Variants in NEK11 observed in about 807,000 individuals in gnomAD.
The protein encoded by NEK11 is serine/threonine-protein kinase Nek11.
A neutral mutation model predicts 80.7 loss-of-function variants in NEK11; 72 were observed. The observed-to-expected ratio is 0.89, with a 90% CI of 0.74 to 1.08. NEK11 has a LOEUF of 1.08. Among genes scored for constraint, NEK11 ranks in the 50% least tolerant of loss-of-function variants. The pLI is 0.00. For missense variants in NEK11, 764 were observed against 763.6 expected (o/e 1.00, Z -0.01); for synonymous variants, 251 against 260.7 (o/e 0.96, Z 0.36).
At chr3:131,307,165 A>G (rs1023220914) in intron 17 of NEK11, among the ~76,000 whole-genome samples, 1 of 152,084 alleles carries the variant, frequency 6.6e-6, no homozygotes, top group Admixed American at 6.5e-5. Context: ...CGTATCCTGT[A>G]CCTCCTATTT....
chr3:131,167,401 T>C lies in NEK11; in HGVS notation c.1177-1429T>C, dbSNP rs554125410. ...AATGACTTCATTCTTGAAGTTACCA[T>C]ATGGCAAAAAAGAAATGTAGTTTCA... On this transcript the variant is annotated intron_variant, in intron 12 of 17. Transcript: ENST00000383366. 2.6e-5 allele frequency among the ~76,000 whole-genome samples: 4 copies of C among 152,358 alleles called. No individual in the cohort carries two copies. The South Asian group carries it at 6.2e-4, about 24-fold the overall frequency.
At position 131,152,420 on chromosome 3, in the gene NEK11, G is replaced by C. The variant is rs772315660; in HGVS notation, c.680G>C (p.Cys227Ser). 6.2e-7 allele frequency: 1 copy of C among 1,613,338 alleles called. No individual in the cohort carries two copies. The highest frequency in any genetic ancestry group is 1.7e-5 in the Admixed American group (1 of 59,834). Residue 227 changes from cysteine to serine, a missense_variant, in exon 8 of 18, where the codon TGC becomes TCC. By Grantham distance (112) the Cys-to-Ser change is moderately radical (BLOSUM62 -1). Coordinates refer to ENST00000383366, the MANE Select transcript of NEK11 (RefSeq NM_024800.5). Reference sequence around the variant, plus strand: ...GCATGCATTTTGTATGAGATGTGCTGCATGAATCATGCATTCGCTGGCTCC... The same window carrying C: ...GCATGCATTTTGTATGAGATGTGCTCCATGAATCATGCATTCGCTGGCTCC... ...SLACILYEMCCMNHAFAGSNF... is the reference protein window; with the variant it reads ...SLACILYEMCSMNHAFAGSNF...
chr3:131,206,693 A>C lies in NEK11; in HGVS notation c.1400-21835A>C, dbSNP rs150591408. Among the ~76,000 whole-genome samples the C allele has an allele frequency of 5.6e-4, 85 of 152,318 alleles. 1 individual carries two copies. The East Asian group carries it at 0.015, about 27-fold the overall frequency. On this transcript the variant is annotated intron_variant, in intron 14 of 17. Transcript: ENST00000383366. The stretch of plus-strand genomic sequence containing the variant: ...TTTATTTATTTTTTTATTATACTTT[A>C]AGTTCTAGGGTACATGTGCACAACG...
At chr3:131,343,204 T>C (rs1168984716) in intron 17 of NEK11, among the ~76,000 whole-genome samples, 1 of 152,142 alleles carries the variant, frequency 6.6e-6, no homozygotes, top group African/African-American at 2.4e-5. Context: ...GTCATGTGTG[T>C]ACCCTAACAG....
chr3:131,269,015 G>C (rs1444555477), intron 16 of NEK11, among the ~76,000 whole-genome samples: 1 of 152,256 alleles, frequency 6.6e-6, no homozygotes, highest in African/African-American at 2.4e-5. Context: ...GCTTTGCCAA[G>C]CTGCGGTGGG....
At chr3:131,195,090 G>A (rs2093947158) in intron 14 of NEK11, among the ~76,000 whole-genome samples, 1 of 152,128 alleles carries the variant, frequency 6.6e-6, no homozygotes, top group Non-Finnish European at 1.5e-5. Flanking sequence ...TGCCCGCAAC[G>A]AGTTCATTCT....
At chr3:131,146,382 G>A (rs1376406075) in intron 7 of NEK11, among the ~76,000 whole-genome samples, 1 of 152,116 alleles carries the variant, frequency 6.6e-6, no homozygotes, top group African/African-American at 2.4e-5. Flanking sequence ...AACATGAGCT[G>A]ATCTGACATG....
chr3:131,150,339 A>G (rs938766355), intron 7 of NEK11, among the ~76,000 whole-genome samples: 12 of 151,792 alleles, frequency 7.9e-5, no homozygotes, highest in Admixed American at 1.3e-4. Context: ...AATTATGTCC[A>G]TTTTGTCATC....
At chr3:131,347,304 T>C (rs1211805543) in intron 17 of NEK11, among the ~76,000 whole-genome samples, 2 of 152,206 alleles carry the variant, frequency 1.3e-5, no homozygotes, top group Non-Finnish European at 1.5e-5. Context: ...AAATGTTCAA[T>C]GAATTGCCTA....
chr3:131,322,292 G>C (rs764030040), intron 17 of NEK11, among the ~76,000 whole-genome samples: 3 of 152,064 alleles, frequency 2.0e-5, no homozygotes, highest in Non-Finnish European at 4.4e-5. Context: ...ACCACTAGAG[G>C]AGGGAGGAAG....
chr3:131,174,650 G>A, intron 14 of NEK11: 4 of 1,098,550 alleles, frequency 3.6e-6, no homozygotes, highest in Non-Finnish European at 5.2e-6. Flanking sequence ...CAACTGGAAT[G>A]TTAAAGAAAT....
Position 131,194,189 on chromosome 3 carries a change from C to T in NEK11, c.1399+23302C>T, listed in dbSNP as rs979178203. On this transcript the variant is annotated intron_variant, in intron 14 of 17. Transcript: ENST00000383366. ...CAAGTATAGTTTTATTTCAGTTTTCCCAGTTATATTCTTAAATGAATGTAT... is the reference window on the plus strand; with the variant it reads ...CAAGTATAGTTTTATTTCAGTTTTCTCAGTTATATTCTTAAATGAATGTAT... Among the ~76,000 whole-genome samples the T allele has an allele frequency of 5.9e-5, 9 of 152,216 alleles. No individual in the cohort carries two copies. The East Asian group carries it at 1.7e-3, about 29-fold the overall frequency.
chr3:131,191,389 T>A (rs1241562153), intron 14 of NEK11, among the ~76,000 whole-genome samples: 1 of 152,126 alleles, frequency 6.6e-6, no homozygotes, highest in Non-Finnish European at 1.5e-5. Flanking sequence ...GTTTGTGCCC[T>A]CCTTTCTCTA....
intron 17 of NEK11, chr3:131,325,453 G>A (rs2096952677): frequency 6.6e-6 from 1 of 152,038 alleles, no homozygotes; most frequent in South Asian, 2.1e-4. Flanking sequence ...GGGTGGGAAG[G>A]GAGTATGATT....
chr3:131,168,237 G>T (rs2092400301), intron 12 of NEK11, among the ~76,000 whole-genome samples: 1 of 152,046 alleles, frequency 6.6e-6, no homozygotes, highest in Admixed American at 6.6e-5. Flanking sequence ...ATGGCTTATA[G>T]TATTCTCAAA....
At position 131,180,672 on chromosome 3, in the gene NEK11, G is replaced by T. The variant is rs74426946; in HGVS notation, c.1399+9785G>T. On this transcript the variant is annotated intron_variant, in intron 14 of 17. Transcript: ENST00000383366. ...CAATACAATTGAGAAATATCATATT[G>T]TACTTTACAGAATCAAAGACACCAT... 5.2e-3 allele frequency among the ~76,000 whole-genome samples: 797 copies of T among 152,240 alleles called. 7 individuals are homozygous for T. The highest frequency in any genetic ancestry group is 0.018 in the African/African-American group (741 of 41,536).
intron 17 of NEK11, among the ~76,000 whole-genome samples, chr3:131,298,540 A>G (rs933245481): frequency 5.3e-5 from 8 of 152,218 alleles, no homozygotes; most frequent in African/African-American, 1.9e-4. Flanking sequence ...CAAAAATCAC[A>G]AGCATTCTTA....
chr3:131,194,739 T>C (rs1560897695), intron 14 of NEK11, among the ~76,000 whole-genome samples: 2 of 152,214 alleles, frequency 1.3e-5, no homozygotes, highest in African/African-American at 4.8e-5. Flanking sequence ...TTTATTTTTC[T>C]AAGAAACTGT....
chr3:131,272,684 C>T (rs1308855284), intron 16 of NEK11, among the ~76,000 whole-genome samples: 1 of 151,870 alleles, frequency 6.6e-6, no homozygotes, highest in Non-Finnish European at 1.5e-5. Flanking sequence ...CCATGTTGGC[C>T]AGGCTGGTCC....
Sources: allele counts gnomAD v4.1 joint callset (sites outside exome capture counted in the v4.1 genomes callset), GRCh38; gene constraint gnomAD v4.1.1; transcripts MANE v1.5; gene names NCBI Gene and HGNC (gene_info 2026-07-23, HGNC 2026-07-21).